Variants in FTCDNL1 observed in about 807,000 individuals in gnomAD.
FTCDNL1 encodes formiminotransferase N-terminal subdomain-containing protein.
Under a neutral mutation model 5.9 loss-of-function variants are expected in FTCDNL1, and 11 were observed. That is an observed-to-expected ratio of 1.87 (90% CI 1.18 to 3.10). FTCDNL1 has a LOEUF of 3.10. Among genes scored for constraint, FTCDNL1 ranks in the 30% most tolerant of loss-of-function variants. The pLI is 0.00. For missense variants in FTCDNL1, 115 were observed against 65.5 expected (o/e 1.76, Z -2.61); for synonymous variants, 58 against 24.8 (o/e 2.34, Z -3.99).
At chr2:199,675,738 A>T in the FTCDNL1 span, among the ~76,000 whole-genome samples, 1 of 152,166 alleles carries the variant, frequency 6.6e-6, no homozygotes, top group African/African-American at 2.4e-5. Context: ...AAGGAAGAGC[A>T]GAAGAATGGC....
At chr2:199,847,030 A>G (rs1219208343) in intron 2 of FTCDNL1, among the ~76,000 whole-genome samples, 4 of 152,198 alleles carry the variant, frequency 2.6e-5, no homozygotes, top group South Asian at 2.1e-4. Flanking sequence ...CAGGAACTAC[A>G]GAGCTTAGAA....
intron 3 of FTCDNL1, among the ~76,000 whole-genome samples, chr2:199,835,251 A>T (rs1189606009): frequency 6.6e-6 from 1 of 152,164 alleles, no homozygotes; most frequent in East Asian, 1.9e-4. Flanking sequence ...TAATCCCCTC[A>T]AGGTAGGTAA....
chr2:199,764,643 G>T (rs1160112086), intron 3 of FTCDNL1, among the ~76,000 whole-genome samples: 1 of 152,182 alleles, frequency 6.6e-6, no homozygotes, highest in East Asian at 1.9e-4. Context: ...GAAATGCCTG[G>T]AGAGGTAGTA....
chr2:199,703,832 G>C, the FTCDNL1 span, among the ~76,000 whole-genome samples: 3 of 152,024 alleles, frequency 2.0e-5, no homozygotes, highest in African/African-American at 7.2e-5. Flanking sequence ...ATAACACAAA[G>C]TTAAATTTTT....
rs940185881 is a variant in FTCDNL1 at position 199,850,963 on chromosome 2, G to A, written c.-231C>T. 2.6e-5 allele frequency: 4 copies of A among 152,150 alleles called. No individual in the cohort carries two copies. Among genetic ancestry groups the A allele is most frequent in the Non-Finnish European group, 5.9e-5 (4 of 68,054 alleles). 9.4% of individuals were successfully genotyped at this position (152,150 alleles called of 1,614,324 possible). ...CGGGACGCAGCAGCGGCGAGGGCGC[G>A]GGGTTGTGGCGCCTGGGAGCGAGGG... On this transcript the variant is annotated 5_prime_UTR_variant, in exon 1 of 5. Coordinates refer to ENST00000420128, the MANE Select transcript of FTCDNL1 (RefSeq NM_001363886.2).
chr2:199,820,441 C>T (rs762452416), intron 3 of FTCDNL1, among the ~76,000 whole-genome samples: 19 of 151,850 alleles, frequency 1.3e-4, no homozygotes, highest in Non-Finnish European at 2.2e-4. Flanking sequence ...CCTATCTCTA[C>T]AAAAACTAAA....
chr2:199,829,697 CTTTCAGGAGCAA>C (rs1027502880), intron 3 of FTCDNL1, among the ~76,000 whole-genome samples: 38 of 152,246 alleles, frequency 2.5e-4, no homozygotes, highest in African/African-American at 8.9e-4. Context: ...GCTTTTCTTT[CTTTCAGGAGCAA>C]TTTAGGACTA....
the FTCDNL1 span, among the ~76,000 whole-genome samples, chr2:199,724,669 C>T: frequency 6.6e-6 from 1 of 152,084 alleles, no homozygotes; most frequent in Non-Finnish European, 1.5e-5. Context: ...GCAGTTTGTT[C>T]AATTTCCATG....
the FTCDNL1 span, among the ~76,000 whole-genome samples, chr2:199,697,985 C>T: frequency 2.0e-5 from 3 of 152,122 alleles, no homozygotes; most frequent in Non-Finnish European, 4.4e-5. Flanking sequence ...GGTTGCTATT[C>T]TTATTTTAGA....
At chr2:199,833,971 T>C (rs1160292526) in intron 3 of FTCDNL1, among the ~76,000 whole-genome samples, 1 of 152,226 alleles carries the variant, frequency 6.6e-6, no homozygotes, top group African/African-American at 2.4e-5. Flanking sequence ...CTGCTCATCT[T>C]GCTGTCTGTT....
chr2:199,781,837 T>G (rs1699380338), intron 3 of FTCDNL1, among the ~76,000 whole-genome samples: 1 of 152,158 alleles, frequency 6.6e-6, no homozygotes, highest in Non-Finnish European at 1.5e-5. Context: ...TAGCATGCAG[T>G]GGCGCCATCT....
At chr2:199,809,096 A>T (rs1700884968), downstream of FTCDNL1, among the ~76,000 whole-genome samples, 2 of 152,200 alleles carry the variant, frequency 1.3e-5, no homozygotes, top group South Asian at 4.1e-4. Context: ...CTAGTCCATC[A>T]TCTTTTCCAT....
chr2:199,716,300 G>A, the FTCDNL1 span, among the ~76,000 whole-genome samples: 2 of 152,170 alleles, frequency 1.3e-5, no homozygotes, highest in Non-Finnish European at 2.9e-5. Flanking sequence ...GCTTGGGAAT[G>A]AAGAGGTCTG....
intron 3 of FTCDNL1, among the ~76,000 whole-genome samples, chr2:199,776,861 ATG>A (rs1463256428): frequency 1.3e-5 from 2 of 151,810 alleles, no homozygotes; most frequent in South Asian, 2.1e-4. Flanking sequence ...ACACACATAT[ATG>A]TGTCTATGTA....
At chr2:199,849,331 TG>T (rs779992222) in intron 1 of FTCDNL1, among the ~76,000 whole-genome samples, 9 of 152,230 alleles carry the variant, frequency 5.9e-5, no homozygotes, top group East Asian at 1.9e-4. Flanking sequence ...CAAACAGGTA[TG>T]TTTTTTTTGT....
At chr2:199,772,309 C>T (rs1409949750) in intron 3 of FTCDNL1, among the ~76,000 whole-genome samples, 1 of 152,148 alleles carries the variant, frequency 6.6e-6, no homozygotes, top group African/African-American at 2.4e-5. Flanking sequence ...TGTTTTTGCA[C>T]CACCGTTGAC....
chr2:199,787,624 G>A (rs950405677), intron 3 of FTCDNL1, among the ~76,000 whole-genome samples: 2 of 152,126 alleles, frequency 1.3e-5, no homozygotes, highest in African/African-American at 2.4e-5. Flanking sequence ...TCGTGTCAGA[G>A]GTTTGAAAGA....
chr2:199,750,064 A>T, the FTCDNL1 span, among the ~76,000 whole-genome samples: 44 of 151,860 alleles, frequency 2.9e-4, 1 homozygote, highest in African/African-American at 8.9e-4. Flanking sequence ...AATTTAAATT[A>T]AAAAATAGGC....
At chr2:199,762,276 G>A (rs983982127) in intron 3 of FTCDNL1, among the ~76,000 whole-genome samples, 1 of 152,164 alleles carries the variant, frequency 6.6e-6, no homozygotes, top group Non-Finnish European at 1.5e-5. Context: ...CTACTCAGGA[G>A]GCTGAGGCAG....
Sources: allele counts gnomAD v4.1 joint callset (sites outside exome capture counted in the v4.1 genomes callset), GRCh38; gene constraint gnomAD v4.1.1; transcripts MANE v1.5; gene names NCBI Gene and HGNC (gene_info 2026-07-23, HGNC 2026-07-21).